Variants in ZBTB46 observed in about 807,000 individuals in gnomAD.
ZBTB46 encodes the protein zinc finger and BTB domain-containing protein 46.
In ZBTB46, 8 loss-of-function variants were observed where a neutral mutation model predicts 44.1. That is an observed-to-expected ratio of 0.18 (90% CI 0.11 to 0.33). The LOEUF (loss-of-function observed/expected upper bound fraction) is 0.33. Ranked by LOEUF, ZBTB46 falls within the 10% of genes least tolerant of loss-of-function variation. The probability of loss-of-function intolerance (pLI) is 1.00; values close to 1 mark genes in which losing one functional copy is unlikely to be tolerated. For missense variants in ZBTB46, 651 were observed against 847.7 expected, an observed-to-expected ratio of 0.77 and a Z score of 2.88; for synonymous variants, 409 against 382.3, an observed-to-expected ratio of 1.07 and a Z score of -0.81.
At chr20:63,760,762 A>G (rs566612662) in intron 3 of ZBTB46, among the ~76,000 whole-genome samples, 5 of 137,178 alleles carry the variant, frequency 3.6e-5, no homozygotes, top group Non-Finnish European at 1.7e-5. Flanking sequence ...AGGCCGAGTT[A>G]TATCAGTTTT....
intron 2 of ZBTB46, among the ~76,000 whole-genome samples, chr20:63,777,267 C>T (rs2092433728): frequency 6.6e-6 from 1 of 152,112 alleles, no homozygotes; most frequent in Non-Finnish European, 1.5e-5. Context: ...AACAGGAGTT[C>T]AAGACCAGCC....
At chr20:63,798,636 C>G (rs1426238850) in intron 1 of ZBTB46, among the ~76,000 whole-genome samples, 1 of 139,410 alleles carries the variant, frequency 7.2e-6, no homozygotes, top group Non-Finnish European at 1.5e-5. Context: ...GATCATGCCA[C>G]TGCACTCCAG....
intron 1 of ZBTB46, among the ~76,000 whole-genome samples, chr20:63,824,283 C>G (rs1486867918): frequency 1.3e-5 from 2 of 152,126 alleles, no homozygotes; most frequent in African/African-American, 4.8e-5. Flanking sequence ...TCCTCCACCC[C>G]TAAAGGAGCT....
chr20:63,747,087 G>C lies in ZBTB46; in HGVS notation c.1613C>G (p.Pro538Arg). The C allele has an allele frequency of 6.2e-7, 1 of 1,609,494 alleles. No individual in the cohort carries two copies. The highest frequency in any genetic ancestry group is 8.5e-7 in the Non-Finnish European group (1 of 1,179,528). Residue 538 changes from proline to arginine, a missense_variant, in exon 5 of 5, where the codon CCT becomes CGT. Pro to Arg is a moderately radical substitution (Grantham distance 103, BLOSUM62 -2). Coordinates refer to ENST00000245663, the MANE Select transcript of ZBTB46 (RefSeq NM_001369741.1). ...CTCCGCCTCCCCTCGTGGGTCCTCA[G>C]GGTCCTCCAGATAGGGCCCGTCGCC... is the stretch of plus-strand genomic sequence containing the variant. ...FPGDGPYLED[P>R]EDPRGEAEEL...
intron 3 of ZBTB46, among the ~76,000 whole-genome samples, chr20:63,764,479 G>GT (rs2092301978): frequency 6.6e-6 from 1 of 151,986 alleles, no homozygotes; most frequent in Admixed American, 6.6e-5. Context: ...TGGGTATAGA[G>GT]TTCCAGGTTG....
intron 1 of ZBTB46, among the ~76,000 whole-genome samples, chr20:63,817,655 G>A (rs2315657): frequency 0.18 from 26,562 of 149,916 alleles, 2,854 homozygotes; most frequent in East Asian, 0.45. Context: ...GGTGGAGGCT[G>A]CAGTGAGCTG....
At chr20:63,760,276 A>G (rs547784474) in intron 3 of ZBTB46, among the ~76,000 whole-genome samples, 1 of 152,332 alleles carries the variant, frequency 6.6e-6, no homozygotes, top group South Asian at 2.1e-4. Context: ...CTTTAAAGTT[A>G]TTAATTCAAT....
chr20:63,787,213 T>C lies in ZBTB46; in HGVS notation c.937+2608A>G, dbSNP rs946219810. Reference sequence around the variant, plus strand: ...ACCACAGATAACCACTGTGGTCCCGTAGATTAGAACGCAGCCGGGAAATTC... The same window carrying C: ...ACCACAGATAACCACTGTGGTCCCGCAGATTAGAACGCAGCCGGGAAATTC... On this transcript the variant is annotated intron_variant, in intron 2 of 4. Transcript: ENST00000245663. The surrounding 1 kb of genome is among the most constrained non-coding windows in gnomAD (Gnocchi z 4.6). 1.4e-4 allele frequency among the ~76,000 whole-genome samples: 21 copies of C among 152,074 alleles called. No homozygotes were observed. Among genetic ancestry groups the C allele is most frequent in the African/African-American group, 4.8e-4 (20 of 41,404 alleles).
At chr20:63,761,320 C>T (rs1323636452) in intron 3 of ZBTB46, among the ~76,000 whole-genome samples, 1 of 152,006 alleles carries the variant, frequency 6.6e-6, no homozygotes, top group Non-Finnish European at 1.5e-5. Context: ...CTTTATTTCC[C>T]TTCTGTTACT....
intron 2 of ZBTB46, among the ~76,000 whole-genome samples, chr20:63,788,859 G>A (rs1187963842): frequency 1.3e-5 from 2 of 148,622 alleles, no homozygotes; most frequent in Non-Finnish European, 3.0e-5. Context: ...TTTTGAGATG[G>A]AGTTTCGCTC....
chr20:63,764,435 CA>C (rs56731235), intron 3 of ZBTB46, among the ~76,000 whole-genome samples: 3,989 of 139,696 alleles, frequency 0.029, 161 homozygotes, highest in African/African-American at 0.094. Context: ...GGCCCTGTCT[CA>C]AAAAAAAAAA....
At chr20:63,831,534 G>A (rs1351170601), upstream of ZBTB46, among the ~76,000 whole-genome samples, 1 of 148,146 alleles carries the variant, frequency 6.8e-6, no homozygotes, top group Non-Finnish European at 1.5e-5. Context: ...CAGCGGAAGT[G>A]CGGGCTGGAG....
In ZBTB46 at chr20:63,793,219, T is replaced by C. The variant is rs548135870; in HGVS notation, c.-33-2429A>G. On this transcript the variant is annotated intron_variant, in intron 1 of 4. Transcript: ENST00000245663. Reference sequence around the variant, plus strand: ...CTTGAGGGCTGGAGGCAAACGCGTGTGGGTGCGAGCAGAACAAGGAGCTGC... The same window carrying C: ...CTTGAGGGCTGGAGGCAAACGCGTGCGGGTGCGAGCAGAACAAGGAGCTGC... Among the ~76,000 whole-genome samples, 24 of 152,200 alleles carry C rather than the reference T, an allele frequency of 1.6e-4. No individual in the cohort carries two copies. In the South Asian group the frequency reaches 4.8e-3, roughly 30 times the overall value.
At chr20:63,802,945 G>C (rs1555852279) in intron 1 of ZBTB46, among the ~76,000 whole-genome samples, 2 of 152,236 alleles carry the variant, frequency 1.3e-5, no homozygotes, top group Non-Finnish European at 2.9e-5. Flanking sequence ...ACAGATGTCT[G>C]TTGTTTACGA....
chr20:63,779,513 A>G (rs111419853), intron 2 of ZBTB46, among the ~76,000 whole-genome samples: 3,017 of 141,278 alleles, frequency 0.021, 103 homozygotes, highest in African/African-American at 0.076. Context: ...TCCGCCTCCC[A>G]GGTTCACGCC....
intron 1 of ZBTB46, among the ~76,000 whole-genome samples, chr20:63,829,479 T>G (rs2092836643): frequency 6.6e-6 from 1 of 152,258 alleles, no homozygotes; most frequent in Non-Finnish European, 1.5e-5. Flanking sequence ...AGGAGAAATC[T>G]GACAGTAACT....
chr20:63,806,407 C>CAAAAAAAAAA (rs58233169), intron 1 of ZBTB46, among the ~76,000 whole-genome samples: 9 of 91,416 alleles, frequency 9.8e-5, no homozygotes, highest in African/African-American at 2.0e-4. Flanking sequence ...AACTCCATCT[C>CAAAAAAAAAA]AAAAAAAAAA....
chr20:63,760,601 C>A lies in ZBTB46; in HGVS notation c.1223-7740G>T, dbSNP rs113155959. On this transcript the variant is annotated intron_variant, in intron 3 of 4. Transcript: ENST00000245663. ...CCTCCCGAGTAGCTAGGATTACAGGCGCCTGTCACCACACCTGGCTAATTT... is the reference window on the plus strand; with the variant it reads ...CCTCCCGAGTAGCTAGGATTACAGGAGCCTGTCACCACACCTGGCTAATTT... Among the ~76,000 whole-genome samples, 213 of 151,918 alleles carry A rather than the reference C, an allele frequency of 1.4e-3. 1 individual carries two copies. Among genetic ancestry groups the A allele is most frequent in the Middle Eastern group, 0.014 (4 of 290 alleles).
chr20:63,816,198 T>G (rs2092757026), intron 1 of ZBTB46, among the ~76,000 whole-genome samples: 1 of 151,870 alleles, frequency 6.6e-6, no homozygotes, highest in African/African-American at 2.4e-5. Flanking sequence ...ACAGGTGCAG[T>G]GAGCAAGGCA....
Sources: allele counts gnomAD v4.1 joint callset (sites outside exome capture counted in the v4.1 genomes callset), GRCh38; gene constraint gnomAD v4.1.1; non-coding constraint Gnocchi (gnomAD v3.1); transcripts MANE v1.5; gene names NCBI Gene and HGNC (gene_info 2026-07-23, HGNC 2026-07-21).